NKAIN3: variants seen among roughly 807,000 people sequenced by gnomAD.
NKAIN3 encodes the protein sodium/potassium-transporting ATPase subunit beta-1-interacting protein 3.
In NKAIN3, 25 loss-of-function variants were observed where a neutral mutation model predicts 30.2. The observed-to-expected ratio is 0.83, with a 90% CI of 0.60 to 1.16. NKAIN3 has a LOEUF of 1.16. Ranked by LOEUF, NKAIN3 falls within the 50% of genes most tolerant of loss-of-function variation. The pLI, the probability that NKAIN3 is intolerant of heterozygous loss-of-function variation, is 0.00. For synonymous variants in NKAIN3, 91 were observed against 89.6 expected, an observed-to-expected ratio of 1.02 and a Z score of -0.09; for missense variants, 225 against 254.1, an observed-to-expected ratio of 0.89 and a Z score of 0.78.
At chr8:62,487,569 G>A (rs763424352) in intron 1 of NKAIN3, among the ~76,000 whole-genome samples, 9 of 152,144 alleles carry the variant, frequency 5.9e-5, no homozygotes, top group East Asian at 1.9e-4. Context: ...GAATTTCCAC[G>A]TTGTCTCAAT....
intron 1 of NKAIN3, among the ~76,000 whole-genome samples, chr8:62,345,250 T>TAC (rs1359860704): frequency 4.4e-5 from 2 of 45,158 alleles, no homozygotes; most frequent in Non-Finnish European, 5.5e-5. Context: ...TACATGTGGG[T>TAC]ATATATATAC....
At chr8:62,670,889 A>G (rs1266972812) in intron 3 of NKAIN3, among the ~76,000 whole-genome samples, 25 of 109,206 alleles carry the variant, frequency 2.3e-4, no homozygotes, top group African/African-American at 1.0e-3. Context: ...GCACACACAC[A>G]CACACACACA....
At chr8:62,397,834 G>A (rs187312213) in intron 1 of NKAIN3, among the ~76,000 whole-genome samples, 50 of 152,198 alleles carry the variant, frequency 3.3e-4, no homozygotes, top group African/African-American at 1.1e-3. Flanking sequence ...GAGAGCAAAG[G>A]GAGCAGAAAG....
At position 62,677,151 on chromosome 8, in the gene NKAIN3, G is replaced by A. The variant is rs75725025; in HGVS notation, c.274-69781G>A. On this transcript the variant is annotated intron_variant, in intron 3 of 6. Coordinates refer to ENST00000623646, the MANE Select transcript of NKAIN3 (RefSeq NM_001304533.3). ...ACTCTGAAATGGACATTGTCTGGAG[G>A]ACTACTGAGGTGCGTTCTCAGAAAT... Among the ~76,000 whole-genome samples, 571 of 152,296 alleles carry A rather than the reference G, an allele frequency of 3.7e-3. 2 individuals are homozygous for A. The highest frequency in any genetic ancestry group is 0.034 in the Middle Eastern group (10 of 294).
chr8:62,736,755 A>G (rs113166892), intron 3 of NKAIN3, among the ~76,000 whole-genome samples: 1 of 152,090 alleles, frequency 6.6e-6, no homozygotes, highest in African/African-American at 2.4e-5. Flanking sequence ...AATTGTTACA[A>G]AGTTCAGCTG....
rs560314945 is a variant in NKAIN3, at chr8:62,676,764, C to A, written c.274-70168C>A. On this transcript the variant is annotated intron_variant, in intron 3 of 6. Coordinates refer to ENST00000623646, the MANE Select transcript of NKAIN3 (RefSeq NM_001304533.3). ...GGTCTTGCTCTGTCACCCAGGCTTGCATGCAGTGGCATGAACATGGCTCAC... is the reference window on the plus strand; with the variant it reads ...GGTCTTGCTCTGTCACCCAGGCTTGAATGCAGTGGCATGAACATGGCTCAC... 1.5e-3 allele frequency among the ~76,000 whole-genome samples: 229 copies of A among 149,308 alleles called. 1 individual carries two copies. The highest frequency in any genetic ancestry group is 4.9e-3 in the African/African-American group (199 of 40,374).
chr8:62,540,652 C>G (rs1808808330), intron 1 of NKAIN3, among the ~76,000 whole-genome samples: 1 of 152,078 alleles, frequency 6.6e-6, no homozygotes. Flanking sequence ...AGTAGCCTCT[C>G]TAGACCTATT....
At chr8:62,840,100 A>G (rs1819486833) in intron 4 of NKAIN3, among the ~76,000 whole-genome samples, 1 of 152,142 alleles carries the variant, frequency 6.6e-6, no homozygotes, top group Non-Finnish European at 1.5e-5. Context: ...ATATTTTTGA[A>G]TGAATAAATG....
At chr8:62,670,708 G>A (rs796601504) in intron 3 of NKAIN3, among the ~76,000 whole-genome samples, 2 of 152,238 alleles carry the variant, frequency 1.3e-5, no homozygotes, top group African/African-American at 4.8e-5. Context: ...TCCTTCCTGA[G>A]TAAGCAGGTG....
At chr8:62,397,872 A>G (rs1403211131) in intron 1 of NKAIN3, among the ~76,000 whole-genome samples, 3 of 152,308 alleles carry the variant, frequency 2.0e-5, no homozygotes, top group African/African-American at 7.2e-5. Context: ...CACAGAACTT[A>G]TAAAAATCAG....
chr8:62,651,952 G>A (rs1812633257), intron 3 of NKAIN3, among the ~76,000 whole-genome samples: 1 of 152,074 alleles, frequency 6.6e-6, no homozygotes, highest in South Asian at 2.1e-4. Context: ...TGCCATGCTT[G>A]TACAGCCTGC....
chr8:62,857,055 A>G (rs562450145), intron 4 of NKAIN3: 3 of 499,106 alleles, frequency 6.0e-6, no homozygotes, highest in South Asian at 4.7e-5. Flanking sequence ...CATCGGCCTC[A>G]GTTTTGTAAT....
intron 1 of NKAIN3, among the ~76,000 whole-genome samples, chr8:62,255,688 A>G (rs1313008471): frequency 6.6e-6 from 1 of 152,212 alleles, no homozygotes; most frequent in Admixed American, 6.5e-5. Context: ...GGGTGGCAGA[A>G]GGTTGAGACC....
chr8:62,922,854 C>T (rs1420539531), intron 5 of NKAIN3, among the ~76,000 whole-genome samples: 1 of 151,880 alleles, frequency 6.6e-6, no homozygotes, highest in Non-Finnish European at 1.5e-5. Context: ...GAAACATTTT[C>T]CTAATTTGCT....
At chr8:62,989,508 A>C (rs903911165), downstream of NKAIN3, among the ~76,000 whole-genome samples, 5 of 152,110 alleles carry the variant, frequency 3.3e-5, no homozygotes, top group Admixed American at 2.0e-4. Flanking sequence ...CTTATTCACT[A>C]TCACAAGATC....
intron 1 of NKAIN3, among the ~76,000 whole-genome samples, chr8:62,549,957 G>A (rs1446938068): frequency 2.7e-5 from 4 of 148,174 alleles, no homozygotes; most frequent in African/African-American, 5.0e-5. Flanking sequence ...ACTGGACATG[G>A]GTAGCTATTT....
chr8:62,523,087 T>C (rs926116253), intron 1 of NKAIN3, among the ~76,000 whole-genome samples: 5 of 152,154 alleles, frequency 3.3e-5, no homozygotes, highest in Admixed American at 6.6e-5. Flanking sequence ...AAATGTCCTA[T>C]ACAGGTGTGC....
intron 1 of NKAIN3, among the ~76,000 whole-genome samples, chr8:62,470,152 C>T (rs1806286563): frequency 6.6e-6 from 1 of 152,174 alleles, no homozygotes; most frequent in Admixed American, 6.5e-5. Flanking sequence ...TAGCAATATG[C>T]AAGTGTGCAT....
At chr8:62,377,422 G>C (rs1817122754) in intron 1 of NKAIN3, among the ~76,000 whole-genome samples, 1 of 152,124 alleles carries the variant, frequency 6.6e-6, no homozygotes, top group African/African-American at 2.4e-5. Flanking sequence ...CATTTTGAGT[G>C]TAAGAGCAAA....
Sources: allele counts gnomAD v4.1 joint callset (sites outside exome capture counted in the v4.1 genomes callset), GRCh38; gene constraint gnomAD v4.1.1; transcripts MANE v1.5; gene names NCBI Gene and HGNC (gene_info 2026-07-23, HGNC 2026-07-21).